Variants in CEP295NL observed in about 807,000 individuals in gnomAD.
The protein encoded by CEP295NL is CEP295 N-terminal like.
A neutral mutation model predicts 4.6 loss-of-function variants in CEP295NL; 3 were observed. The ratio of observed to expected loss-of-function variants is 0.65; its 90% CI spans 0.30 to 1.69. The LOEUF (loss-of-function observed/expected upper bound fraction) is 1.69, where lower values mean the gene tolerates loss of function less well. CEP295NL is among the 40% of genes most tolerant of loss of function. The probability of loss-of-function intolerance (pLI) is 0.10; values close to 1 mark genes in which losing one functional copy is unlikely to be tolerated. For synonymous variants in CEP295NL, 295 were observed against 312.2 expected, an observed-to-expected ratio of 0.94 and a Z score of 0.58; for missense variants, 719 against 769.0, an observed-to-expected ratio of 0.93 and a Z score of 0.77.
In CEP295NL at chr17:78,901,834, G is replaced by A. The variant is rs1459581428; in HGVS notation, c.-6C>T. ...CTAGACCACCCAGAACACATTACAGGGAGGCAGAAGCTGACAGGAGGGCAG... is the reference window on the plus strand; with the variant it reads ...CTAGACCACCCAGAACACATTACAGAGAGGCAGAAGCTGACAGGAGGGCAG... On this transcript the variant is annotated 5_prime_UTR_variant, in exon 2 of 3. Coordinates refer to ENST00000322630, the MANE Select transcript of CEP295NL (RefSeq NM_001243540.2). 8.4e-6 allele frequency: 6 copies of A among 710,700 alleles called. No homozygotes were observed. The highest frequency in any genetic ancestry group is 1.6e-5 in the Non-Finnish European group (6 of 381,112). The allele number at this position is 710,700 out of a possible 1,614,324, so 44.0% of individuals were successfully genotyped here. A position where few individuals can be genotyped will look rare whatever the true frequency, so the allele number is the denominator to read the frequency against.
chr17:78,891,317 G>A lies in CEP295NL; in HGVS notation c.1187C>T (p.Ala396Val). ...GAGTPRGKKM[A>V]DPEMLPAGEP... Reference sequence around the variant, plus strand: ...CCCGGCAGGCAGCATCTCTGGGTCTGCCATTTTCTTCCCTCTTGGGGTCCC... The same window carrying A: ...CCCGGCAGGCAGCATCTCTGGGTCTACCATTTTCTTCCCTCTTGGGGTCCC... Residue 396 changes from alanine (A) to valine (V), a missense_variant, in exon 3 of 3, where the codon GCA becomes GTA. By Grantham distance (64) the Ala-to-Val change is moderately conservative (BLOSUM62 0). Coordinates refer to ENST00000322630, the MANE Select transcript of CEP295NL (RefSeq NM_001243540.2). This position sits in a 1 kb window ranked among gnomAD's most constrained non-coding sequence, Gnocchi z 4.5. 7 of 1,550,370 alleles carry A rather than the reference G, an allele frequency of 4.5e-6. No homozygotes were observed. Among genetic ancestry groups the A allele is most frequent in the Non-Finnish European group, 6.1e-6 (7 of 1,146,930 alleles).
At chr17:78,893,215 G>C (rs2069934864) in intron 2 of CEP295NL, among the ~76,000 whole-genome samples, 1 of 147,826 alleles carries the variant, frequency 6.8e-6, no homozygotes, top group Non-Finnish European at 1.5e-5. Context: ...GTGTGCATGT[G>C]TGTGCAGGGG....
In CEP295NL at chr17:78,891,536, A is replaced by C. The variant is rs1308262217; in HGVS notation, c.968T>G (p.Val323Gly). Residue 323 changes from valine to glycine, a missense_variant, in exon 3 of 3, where the codon GTG (valine) becomes GGG (glycine). Physicochemically the swap from Val to Gly is moderately radical, Grantham distance 109. Transcript: ENST00000322630. This position sits in a 1 kb window ranked among gnomAD's most constrained non-coding sequence, Gnocchi z 4.5. ...GAGCGTGCACTGAGATGCTGGGGAC[A>C]CGGCTTCCCTTCTGCAGCTGGAATC... ...PADSSCRREA[V>G]SPASQCTLRE... 6.4e-7 allele frequency: 1 copy of C among 1,551,052 alleles called. No homozygotes were observed. Among genetic ancestry groups the C allele is most frequent in the Non-Finnish European group, 8.7e-7 (1 of 1,147,094 alleles).
In CEP295NL at chr17:78,891,935, C is replaced by T. The variant is rs752287126; in HGVS notation, c.569G>A (p.Arg190Lys). ...TGCTGTCTTCCGGGGCCTGGAGTGC[C>T]TGGGGTGTTGCTGGCCCAACTCTTC... The part of the protein sequence containing the change: ...CREELGQQHP[R>K]HSRPRKTAAS... Residue 190 changes from arginine to lysine, a missense_variant, in exon 3 of 3, where the codon AGG (arginine) becomes AAG (lysine). Physicochemically the swap from Arg to Lys is conservative, Grantham distance 26 (BLOSUM62 2). Coordinates refer to ENST00000322630, the MANE Select transcript of CEP295NL (RefSeq NM_001243540.2). The surrounding 1 kb of genome is among the most constrained non-coding windows in gnomAD (Gnocchi z 4.5). The T allele has an allele frequency of 1.3e-6, 2 of 1,550,560 alleles. No individual in the cohort carries two copies. Among genetic ancestry groups the T allele is most frequent in the East Asian group, 2.4e-5 (1 of 40,908 alleles).
intron 2 of CEP295NL, chr17:78,899,823 G>A (rs1023577711): frequency 6.6e-6 from 1 of 152,148 alleles, no homozygotes; most frequent in Admixed American, 6.5e-5. Flanking sequence ...ACCCTCCAAG[G>A]GAACAAAGAG....
In CEP295NL at chr17:78,890,724, G is replaced by C. The variant is rs970440076; in HGVS notation, c.1780C>G (p.Gln594Glu). 1 of 1,550,540 alleles carries C rather than the reference G, an allele frequency of 6.4e-7. No homozygotes were observed. The highest frequency in any genetic ancestry group is 1.4e-5 in the African/African-American group (1 of 73,060). The change falls in exon 3 of 3, where the codon CAG becomes GAG. Residue 594 changes from glutamine to glutamate, a missense_variant. Gln to Glu is a conservative substitution (Grantham distance 29, BLOSUM62 2). Transcript: ENST00000322630. ...RHSQMIRDQQ[Q>E]QILQQNRLHK... ...AACCTGTTTTGCTGTAAGATCTGCT[G>C]CTGCTGGTCTCGGATCATCTGACTG...
chr17:78,896,796 TG>T lies in CEP295NL; in HGVS notation c.45-4338del. ...GCCTCCCACAGAGCGGAGTGGACAC[TG>T]GGCCCATTCTCCTCTCTTGCTCTCT... On this transcript the variant is annotated intron_variant, in intron 2 of 2. Transcript: ENST00000322630. This position sits in a 1 kb window ranked among gnomAD's most constrained non-coding sequence, Gnocchi z 4.4. The T allele has an allele frequency of 2.3e-6, 1 of 425,672 alleles. No individual in the cohort carries two copies. The highest frequency in any genetic ancestry group is 3.1e-6 in the Non-Finnish European group (1 of 318,656). The allele number at this position is 425,672 out of a possible 1,614,324, so 26.4% of individuals were successfully genotyped here.
chr17:78,890,594 C>T lies in CEP295NL; in HGVS notation c.*44G>A. 1 of 1,520,964 alleles carries T rather than the reference C, an allele frequency of 6.6e-7. No individual in the cohort carries two copies. The highest frequency in any genetic ancestry group is 8.9e-7 in the Non-Finnish European group (1 of 1,127,782). The allele number at this position is 1,520,964 out of a possible 1,614,324, so 94.2% of individuals were successfully genotyped here. A position where few individuals can be genotyped will look rare whatever the true frequency, so the allele number is the denominator to read the frequency against. ...GAGACCCGGGTACCAGTGCTGGCAG[C>T]ACCATTATCAGTGATGTATTTACCC... On this transcript the variant is annotated 3_prime_UTR_variant, in exon 3 of 3. Coordinates refer to ENST00000322630, the MANE Select transcript of CEP295NL (RefSeq NM_001243540.2).
intron 2 of CEP295NL, chr17:78,900,002 T>G (rs2070065252): frequency 6.6e-6 from 1 of 152,218 alleles, no homozygotes; most frequent in South Asian, 2.1e-4. Context: ...GTTAGACATT[T>G]CTCTGTCTAA....
At position 78,892,185 on chromosome 17, in the gene CEP295NL, G is replaced by A; in HGVS notation, c.319C>T (p.Leu107Phe). The stretch of plus-strand genomic sequence containing the variant: ...CTCAACTCCTCAGCCAAGCGCTGGA[G>A]CTGGTAGTTTTTCCACAGCTTGGCA... ...ADAKLWKNYQLQRLAEELRRG... is the reference protein window; with the variant it reads ...ADAKLWKNYQFQRLAEELRRG... Residue 107 changes from leucine (L) to phenylalanine (F), a missense_variant, in exon 3 of 3, where the codon CTC (leucine) becomes TTC (phenylalanine). By Grantham distance (22) the Leu-to-Phe change is conservative. Transcript: ENST00000322630. 1 of 1,551,026 alleles carries A rather than the reference G, an allele frequency of 6.4e-7. No homozygotes were observed. The highest frequency in any genetic ancestry group is 8.7e-7 in the Non-Finnish European group (1 of 1,147,098).
rs958034519 is a variant in CEP295NL at position 78,896,701 on chromosome 17, G to A, written c.45-4242C>T. Among the ~76,000 whole-genome samples, 23 of 152,072 alleles carry A rather than the reference G, an allele frequency of 1.5e-4. No individual in the cohort carries two copies. The highest frequency in any genetic ancestry group is 5.1e-4 in the African/African-American group (21 of 41,398). On this transcript the variant is annotated intron_variant, in intron 2 of 2. Transcript: ENST00000322630. The surrounding 1 kb of genome is among the most constrained non-coding windows in gnomAD (Gnocchi z 4.4). ...CAGAGAAACCACAGCTCCCCCCTCC[G>A]CAGAAGCCGCGCTCGGAGCAGCAGA...
At chr17:78,893,492 T>TA (rs1317358447) in intron 2 of CEP295NL, among the ~76,000 whole-genome samples, 24 of 147,854 alleles carry the variant, frequency 1.6e-4, no homozygotes, top group Admixed American at 2.7e-4. Context: ...TGTGCAGGGG[T>TA]GTGTGCGCGC....
At chr17:78,901,761 T>G in intron 2 of CEP295NL, 24 bp downstream of exon 2, 1 of 717,052 alleles carries the variant, frequency 1.4e-6, no homozygotes. Flanking sequence ...CCTGAAATGC[T>G]TGGGGAAGAG....
intron 2 of CEP295NL, 162 bp from the exon 3 acceptor site, chr17:78,892,621 C>T: frequency 9.1e-7 from 1 of 1,094,426 alleles, no homozygotes; most frequent in East Asian, 2.6e-5. Flanking sequence ...CTCTCAGCCT[C>T]CCAATTTCTG....
rs980171339 is a variant in CEP295NL, at chr17:78,891,245, T to C, written c.1259A>G (p.Lys420Arg). The C allele has an allele frequency of 7.1e-6, 11 of 1,550,702 alleles. No individual in the cohort carries two copies. Among genetic ancestry groups the C allele is most frequent in the Non-Finnish European group, 9.6e-6 (11 of 1,147,018 alleles). Residue 420 changes from lysine to arginine, a missense_variant, in exon 3 of 3, where the codon AAG (lysine) becomes AGG (arginine). Transcript: ENST00000322630. The surrounding 1 kb of genome is among the most constrained non-coding windows in gnomAD (Gnocchi z 4.5). ...GCCCATGAACGTTTTCAAGTCGGTC[T>C]TGGACGCTGCCTGCTGCGCCTCCTC... Reference protein sequence around the residue: ...AEEEAQQAASKTDLKTFMGKA... With the variant: ...AEEEAQQAASRTDLKTFMGKA...
Position 78,891,000 on chromosome 17 carries a change from T to G in CEP295NL, c.1504A>C (p.Arg502=), listed in dbSNP as rs1364958968. The G allele has an allele frequency of 2.6e-6, 4 of 1,551,120 alleles. No individual in the cohort carries two copies. The highest frequency in any genetic ancestry group is 3.5e-6 in the Non-Finnish European group (4 of 1,147,142). The change falls in exon 3 of 3, where the codon AGG becomes CGG. Residue 502 remains arginine (R), a synonymous_variant. Coordinates refer to ENST00000322630, the MANE Select transcript of CEP295NL (RefSeq NM_001243540.2). ...TCCATCTCTGCTTTCTGCCTTTGCCTGGATGCCGTCGAGCCCACTCTGTCT... is the reference window on the plus strand; with the variant it reads ...TCCATCTCTGCTTTCTGCCTTTGCCGGGATGCCGTCGAGCCCACTCTGTCT... ...QADRVGSTAS[R]QRQKAEMEQR...
rs1302321494 is a variant in CEP295NL at position 78,891,742 on chromosome 17, G to A, written c.762C>T (p.Asn254=). The A allele has an allele frequency of 1.3e-6, 2 of 1,551,206 alleles. No homozygotes were observed. The highest frequency in any genetic ancestry group is 4.9e-5 in the East Asian group (2 of 40,900). The change falls in exon 3 of 3, where the codon AAC becomes AAT. Residue 254 remains asparagine (N), a synonymous_variant. Coordinates refer to ENST00000322630, the MANE Select transcript of CEP295NL (RefSeq NM_001243540.2). The surrounding 1 kb of genome is among the most constrained non-coding windows in gnomAD (Gnocchi z 4.5). ...RSKGADLERS[N]PLVAAVGEIG... The stretch of plus-strand genomic sequence containing the variant: ...TTTCTCCCACAGCAGCCACGAGTGG[G>A]TTTGACCTTTCTAGGTCCGCCCCTT...
At chr17:78,897,049 G>A (rs769176870) in intron 2 of CEP295NL, 4 of 971,274 alleles carry the variant, frequency 4.1e-6, no homozygotes, top group Non-Finnish European at 4.9e-6. Flanking sequence ...CTCACCCAGG[G>A]ACCCTCCACC....
intron 2 of CEP295NL, among the ~76,000 whole-genome samples, chr17:78,895,375 A>G (rs903404612): frequency 5.3e-5 from 8 of 152,220 alleles, no homozygotes; most frequent in Admixed American, 4.6e-4. Context: ...ACATAAAAAC[A>G]TGTTCAACGG....
Sources: allele counts gnomAD v4.1 joint callset (sites outside exome capture counted in the v4.1 genomes callset), GRCh38; gene constraint gnomAD v4.1.1; non-coding constraint Gnocchi (gnomAD v3.1); transcripts MANE v1.5; gene names NCBI Gene and HGNC (gene_info 2026-07-23, HGNC 2026-07-21).